PDLIM1: variants seen among roughly 807,000 people sequenced by gnomAD.
PDLIM1 encodes PDZ and LIM domain protein 1.
In PDLIM1, 25 loss-of-function variants were observed where a neutral mutation model predicts 35.2. The observed-to-expected ratio is 0.71, with a 90% CI of 0.52 to 0.99. PDLIM1 has a LOEUF of 0.99. PDLIM1 is among the 50% of genes least tolerant of loss of function. The pLI is 0.00. For missense variants in PDLIM1, 363 were observed against 415.3 expected, an observed-to-expected ratio of 0.87 and a Z score of 1.09; for synonymous variants, 152 against 154.0, an observed-to-expected ratio of 0.99 and a Z score of 0.10.
chr10:95,262,313 G>A (rs2035371185), intron 4 of PDLIM1, among the ~76,000 whole-genome samples: 1 of 152,182 alleles, frequency 6.6e-6, no homozygotes, highest in Non-Finnish European at 1.5e-5. Flanking sequence ...GAATTGGGGA[G>A]AAACTGAATG....
intron 2 of PDLIM1, 65 bp downstream of exon 2, chr10:95,271,568 C>G: frequency 5.0e-6 from 7 of 1,408,858 alleles, no homozygotes; most frequent in Non-Finnish European, 5.8e-6. Context: ...ATAGGGAAGG[C>G]AGTCCCTGCC....
chr10:95,240,828 A>G (rs1188912759), intron 5 of PDLIM1, among the ~76,000 whole-genome samples: 2 of 152,290 alleles, frequency 1.3e-5, no homozygotes, highest in East Asian at 3.9e-4. Flanking sequence ...CCTAGTAGCT[A>G]GATGCTGAGC....
Position 95,238,591 on chromosome 10 carries a change from A to G in PDLIM1, c.780T>C (p.Cys260=). 2 of 1,611,346 alleles carry G rather than the reference A, an allele frequency of 1.2e-6. No homozygotes were observed. The highest frequency in any genetic ancestry group is 1.7e-6 in the Non-Finnish European group (2 of 1,177,678). The change falls in exon 6 of 7, where the codon TGT becomes TGC. Residue 260 remains cysteine, a synonymous_variant. Transcript: ENST00000329399. ...ACACAATCCCAGTGCCACATTTGTC[A>G]CACATAGGCAACTTCTGAGCATTTC... ...SIGNAQKLPM[C]DKCGTGIVGV... is the part of the protein sequence containing the mutation.
intron 3 of PDLIM1, among the ~76,000 whole-genome samples, chr10:95,267,430 C>T (rs776826415): frequency 3.3e-5 from 5 of 152,144 alleles, no homozygotes; most frequent in African/African-American, 1.2e-4. Flanking sequence ...GAAACTGAAA[C>T]TAACTGTGGC....
chr10:95,237,889 G>C lies in PDLIM1; in HGVS notation c.*36C>G. ...AACACTGAGAGAAAAAGCTGCAGCA[G>C]AGGCCTGCTGGAGAACAGTGGTCAG... On this transcript the variant is annotated 3_prime_UTR_variant, in exon 7 of 7. Transcript: ENST00000329399. The C allele has an allele frequency of 6.3e-7, 1 of 1,583,832 alleles. No homozygotes were observed. Among genetic ancestry groups the C allele is most frequent in the South Asian group, 1.1e-5 (1 of 88,740 alleles).
intron 4 of PDLIM1, among the ~76,000 whole-genome samples, chr10:95,260,083 T>G (rs567238295): frequency 6.6e-6 from 1 of 152,368 alleles, no homozygotes; most frequent in East Asian, 1.9e-4. Flanking sequence ...GAAACTAAAG[T>G]TAGCAATAAT....
chr10:95,260,482 C>T (rs1470609188), intron 4 of PDLIM1, among the ~76,000 whole-genome samples: 3 of 152,174 alleles, frequency 2.0e-5, no homozygotes, highest in Admixed American at 6.5e-5. Flanking sequence ...AGTAGGCACT[C>T]AATAAATGAT....
chr10:95,265,883 A>C (rs2133427965), intron 3 of PDLIM1, among the ~76,000 whole-genome samples: 1 of 152,286 alleles, frequency 6.6e-6, no homozygotes, highest in East Asian at 1.9e-4. Context: ...CCTGGGTGAC[A>C]GAGCTAGACT....
chr10:95,272,014 G>C (rs2035469189), intron 1 of PDLIM1, among the ~76,000 whole-genome samples: 1 of 152,118 alleles, frequency 6.6e-6, no homozygotes, highest in Non-Finnish European at 1.5e-5. Context: ...ACAAATAGCA[G>C]TCCCCATTTC....
In PDLIM1 at chr10:95,237,920, C is replaced by T; in HGVS notation, c.*5G>A. On this transcript the variant is annotated 3_prime_UTR_variant, in exon 7 of 7. Transcript: ENST00000329399. ...TGCTGGAGAACAGTGGTCAGATCTG[C>T]TGGCTCACTTGGGGAACACAGTGAC... is the stretch of plus-strand genomic sequence containing the variant. 1 of 1,613,038 alleles carries T rather than the reference C, an allele frequency of 6.2e-7. No individual in the cohort carries two copies. Among genetic ancestry groups the T allele is most frequent in the South Asian group, 1.1e-5 (1 of 90,946 alleles).
rs182654712 is a variant in PDLIM1, at chr10:95,264,451, T to A, written c.334-388A>T. ...GATTAAAGCACTAGGTGAAGAGAAATATGCAGTCACTTTGGTCAGTGCAAA... is the reference window on the plus strand; with the variant it reads ...GATTAAAGCACTAGGTGAAGAGAAAAATGCAGTCACTTTGGTCAGTGCAAA... On this transcript the variant is annotated intron_variant, in intron 3 of 6. Coordinates refer to ENST00000329399, the MANE Select transcript of PDLIM1 (RefSeq NM_020992.4). Among the ~76,000 whole-genome samples the A allele has an allele frequency of 4.6e-5, 7 of 152,220 alleles. No individual in the cohort carries two copies. In the East Asian group the frequency reaches 1.4e-3, roughly 29 times the overall value.
chr10:95,252,075 T>TG (rs1394449320), intron 4 of PDLIM1, among the ~76,000 whole-genome samples: 2 of 152,122 alleles, frequency 1.3e-5, no homozygotes, highest in African/African-American at 4.8e-5. Flanking sequence ...AAAGGCCAAG[T>TG]GGGGGGTCCA....
chr10:95,271,830 C>T (rs575546951), intron 1 of PDLIM1, 46 bp from the exon 2 acceptor site: 6 of 1,587,820 alleles, frequency 3.8e-6, no homozygotes, highest in Admixed American at 1.8e-5. Flanking sequence ...TGTCTCCAAA[C>T]CACTAAGTTA....
chr10:95,283,529 A>C (rs2035576581), intron 1 of PDLIM1, among the ~76,000 whole-genome samples: 1 of 152,222 alleles, frequency 6.6e-6, no homozygotes, highest in Non-Finnish European at 1.5e-5. Context: ...TAGTTCACTG[A>C]GATATAGTAA....
intron 4 of PDLIM1, among the ~76,000 whole-genome samples, chr10:95,256,719 C>T (rs1353499649): frequency 6.6e-6 from 1 of 152,018 alleles, no homozygotes; most frequent in East Asian, 1.9e-4. Context: ...TGCCTGTAAT[C>T]CCAGCACTTT....
At chr10:95,273,417 A>C (rs1027006725) in intron 1 of PDLIM1, 5 of 152,196 alleles carry the variant, frequency 3.3e-5, no homozygotes, top group Admixed American at 3.3e-4. Context: ...ACAGTTTCCG[A>C]TTAGCCCTCA....
At chr10:95,275,626 T>C (rs1317528492) in intron 1 of PDLIM1, among the ~76,000 whole-genome samples, 1 of 152,238 alleles carries the variant, frequency 6.6e-6, no homozygotes, top group Non-Finnish European at 1.5e-5. Flanking sequence ...TCTACACTGC[T>C]ATCCTGAAGC....
At position 95,290,750 on chromosome 10, in the gene PDLIM1, G is replaced by A. The variant is rs1251678707; in HGVS notation, c.96+70C>T. ...TCCGACTCCGTCCCCGACCGCGCCC[G>A]CGGGGCCCCAGTCTCCGCATATCAC... is the stretch of plus-strand genomic sequence containing the variant. On this transcript the variant is annotated intron_variant, in intron 1 of 6. Coordinates refer to ENST00000329399, the MANE Select transcript of PDLIM1 (RefSeq NM_020992.4). This position sits in a 1 kb window ranked among gnomAD's most constrained non-coding sequence, Gnocchi z 4.7. 22 of 1,126,498 alleles carry A rather than the reference G, an allele frequency of 2.0e-5. No individual in the cohort carries two copies. In the East Asian group the frequency reaches 6.7e-4, roughly 34 times the overall value. 69.8% of individuals were successfully genotyped at this position (1,126,498 alleles called of 1,614,324 possible). A position where few individuals can be genotyped will look rare whatever the true frequency, so the allele number is the denominator to read the frequency against.
At chr10:95,248,994 C>G (rs1030490968) in intron 4 of PDLIM1, among the ~76,000 whole-genome samples, 1 of 152,254 alleles carries the variant, frequency 6.6e-6, no homozygotes. Flanking sequence ...GCTCTCTCAC[C>G]ATGGATTCCA....
Sources: allele counts gnomAD v4.1 joint callset (sites outside exome capture counted in the v4.1 genomes callset), GRCh38; gene constraint gnomAD v4.1.1; non-coding constraint Gnocchi (gnomAD v3.1); transcripts MANE v1.5; gene names NCBI Gene and HGNC (gene_info 2026-07-23, HGNC 2026-07-21).